Variants in GALR2 observed in about 807,000 individuals in gnomAD.
The protein encoded by GALR2 is galanin receptor 2, also known as galanin receptor type 2.
A neutral mutation model predicts 7.2 loss-of-function variants in GALR2; 5 were observed. That is an observed-to-expected ratio of 0.69 (90% CI 0.36 to 1.45). The LOEUF (loss-of-function observed/expected upper bound fraction) is 1.45, where lower values mean the gene tolerates loss of function less well. Ranked by LOEUF, GALR2 falls within the 40% of genes most tolerant of loss-of-function variation. The probability of loss-of-function intolerance (pLI) is 0.03; values close to 1 mark genes in which losing one functional copy is unlikely to be tolerated. For synonymous variants in GALR2, 300 were observed against 263.9 expected (o/e 1.14, Z -1.32); for missense variants, 561 against 555.7 (o/e 1.01, Z -0.10).
chr17:76,072,153 C>CA, upstream of GALR2: 1 of 1,426,638 alleles, frequency 7.0e-7, no homozygotes, highest in South Asian at 1.3e-5. This position sits in a 1 kb window ranked among gnomAD's most constrained non-coding sequence, Gnocchi z 4.5. Flanking sequence ...GACAGACCCC[C>CA]CCCGGAATTC....
chr17:76,076,680 C>T lies in GALR2; in HGVS notation c.413C>T (p.Thr138Met). The stretch of plus-strand genomic sequence containing the variant: ...CCGCTGCACTCCCGCGAGCTGCGCA[C>T]GCCTCGAAACGCGCTGGCAGCCATC... ...RYPLHSRELR[T>M]PRNALAAIGL... The change falls in exon 2 of 2, where the codon ACG becomes ATG. Residue 138 changes from threonine to methionine, a missense_variant. Coordinates refer to ENST00000329003, the MANE Select transcript of GALR2 (RefSeq NM_003857.4). This position sits in a 1 kb window ranked among gnomAD's most constrained non-coding sequence, Gnocchi z 6.5. 1 of 1,599,026 alleles carries T rather than the reference C, an allele frequency of 6.3e-7. No individual in the cohort carries two copies. Among genetic ancestry groups the T allele is most frequent in the Non-Finnish European group, 8.5e-7 (1 of 1,177,642 alleles).
In GALR2 at chr17:76,077,116, C is replaced by G; in HGVS notation, c.849C>G (p.Ala283=). 1.2e-6 allele frequency: 2 copies of G among 1,613,064 alleles called. No homozygotes were observed. Among genetic ancestry groups the G allele is most frequent in the Non-Finnish European group, 1.7e-6 (2 of 1,179,898 alleles). Residue 283 remains alanine (A), a synonymous_variant, in exon 2 of 2, where the codon GCC becomes GCG. Transcript: ENST00000329003. ...LRILSHLVSY[A]NSCVNPIVYA... is the part of the protein sequence containing the mutation. ...TCCTCTCGCACCTGGTCTCCTACGC[C>G]AACTCCTGCGTCAACCCCATCGTTT... is the stretch of plus-strand genomic sequence containing the variant.
In GALR2 at chr17:76,077,441, G is replaced by C. The variant is rs1396281438; in HGVS notation, c.*10G>C. 2.1e-6 allele frequency: 3 copies of C among 1,443,074 alleles called. No individual in the cohort carries two copies. The highest frequency in any genetic ancestry group is 2.7e-6 in the Non-Finnish European group (3 of 1,103,740). 89.4% of individuals were successfully genotyped at this position (1,443,074 alleles called of 1,614,324 possible). A position where few individuals can be genotyped will look rare whatever the true frequency, so the allele number is the denominator to read the frequency against. On this transcript the variant is annotated 3_prime_UTR_variant, in exon 2 of 2. Transcript: ENST00000329003. ...GGTTGATGTGGCCTGAAAGCACTTAGCGGGCGCGCTGGGATGTCACAGAGT... is the reference window on the plus strand; with the variant it reads ...GGTTGATGTGGCCTGAAAGCACTTACCGGGCGCGCTGGGATGTCACAGAGT...
chr17:76,075,027 G>C lies in GALR2; in HGVS notation c.144G>C (p.Ala48=). The change falls in exon 1 of 2, where the codon GCG becomes GCC. Residue 48 remains alanine, a synonymous_variant. Coordinates refer to ENST00000329003, the MANE Select transcript of GALR2 (RefSeq NM_003857.4). This position sits in a 1 kb window ranked among gnomAD's most constrained non-coding sequence, Gnocchi z 5.9. ...CCGTGGGCAACACGCTGGTGCTGGC[G>C]GTGCTGCTGCGCGGCGGCCAGGCGG... ...VGTVGNTLVL[A]VLLRGGQAVS... is the part of the protein sequence containing the mutation. 6.2e-7 allele frequency: 1 copy of C among 1,610,138 alleles called. No individual in the cohort carries two copies. Among genetic ancestry groups the C allele is most frequent in the Non-Finnish European group, 8.5e-7 (1 of 1,179,970 alleles).
upstream of GALR2, among the ~76,000 whole-genome samples, chr17:76,073,883 C>T (rs560600533): frequency 3.3e-5 from 5 of 151,838 alleles, no homozygotes; most frequent in African/African-American, 9.7e-5. Flanking sequence ...CGGTGGCTTA[C>T]GCCTGTAATC....
Position 76,075,363 on chromosome 17 carries a change from A to C in GALR2, c.368+112A>C. 1.7e-6 allele frequency: 2 copies of C among 1,155,102 alleles called. No individual in the cohort carries two copies. The highest frequency in any genetic ancestry group is 2.4e-6 in the Non-Finnish European group (2 of 823,430). The allele number at this position is 1,155,102 out of a possible 1,614,324, so 71.6% of individuals were successfully genotyped here. On this transcript the variant is annotated intron_variant, in intron 1 of 1. Transcript: ENST00000329003. The surrounding 1 kb of genome is among the most constrained non-coding windows in gnomAD (Gnocchi z 5.9). ...CGCAGAGTGGGACAGGACACTAAGAAGGCAGTGGAAGACAAGCGGGCGCGG... is the reference window on the plus strand; with the variant it reads ...CGCAGAGTGGGACAGGACACTAAGACGGCAGTGGAAGACAAGCGGGCGCGG...
In GALR2 at chr17:76,076,746, A is replaced by T; in HGVS notation, c.479A>T (p.Tyr160Phe). ...WGLSLLFSGP[Y>F]LSYYRQSQLA... ...CTGTCGCTGCTCTTCTCCGGGCCCT[A>T]CCTGAGCTACTACCGCCAGTCGCAG... is the stretch of plus-strand genomic sequence containing the variant. The change falls in exon 2 of 2, where the codon TAC becomes TTC. Residue 160 changes from tyrosine (Y) to phenylalanine (F), a missense_variant. Tyr to Phe is a conservative substitution (Grantham distance 22). Coordinates refer to ENST00000329003, the MANE Select transcript of GALR2 (RefSeq NM_003857.4). The surrounding 1 kb of genome is among the most constrained non-coding windows in gnomAD (Gnocchi z 6.5). 1 of 1,605,368 alleles carries T rather than the reference A, an allele frequency of 6.2e-7. No individual in the cohort carries two copies. Among genetic ancestry groups the T allele is most frequent in the Non-Finnish European group, 8.5e-7 (1 of 1,179,762 alleles).
At chr17:76,072,764 A>C, upstream of GALR2, 1 of 575,022 alleles carries the variant, frequency 1.7e-6, no homozygotes, top group Non-Finnish European at 2.9e-6. The surrounding 1 kb of genome is among the most constrained non-coding windows in gnomAD (Gnocchi z 4.5). Context: ...CCCACCCACT[A>C]AGGGCGGAGA....
At position 76,076,730 on chromosome 17, in the gene GALR2, C is replaced by G. The variant is rs1424355432; in HGVS notation, c.463C>G (p.Leu155Val). ...CGGGCTCATCTGGGGGCTGTCGCTG[C>G]TCTTCTCCGGGCCCTACCTGAGCTA... is the stretch of plus-strand genomic sequence containing the variant. ...AIGLIWGLSL[L>V]FSGPYLSYYR... Residue 155 changes from leucine to valine, a missense_variant, in exon 2 of 2, where the codon CTC (leucine) becomes GTC (valine). Coordinates refer to ENST00000329003, the MANE Select transcript of GALR2 (RefSeq NM_003857.4). The surrounding 1 kb of genome is among the most constrained non-coding windows in gnomAD (Gnocchi z 6.5). The G allele has an allele frequency of 6.2e-7, 1 of 1,605,026 alleles. No individual in the cohort carries two copies. The highest frequency in any genetic ancestry group is 8.5e-7 in the Non-Finnish European group (1 of 1,179,726).
rs2066891991 is a variant in GALR2, at chr17:76,076,890, CGCGCACCTTGCG to C, written c.624_635del (p.Arg209_Arg212del). 4.4e-6 allele frequency: 7 copies of C among 1,603,272 alleles called. No homozygotes were observed. The highest frequency in any genetic ancestry group is 5.1e-6 in the Non-Finnish European group (6 of 1,179,120). ...GTGCTGGTTCTCGGCCTGACCTACGCGCGCACCTTGCGCTACCTCTGGCGCGCCGTCGACCCG... is the reference window on the plus strand; with the variant it reads ...GTGCTGGTTCTCGGCCTGACCTACGCCTACCTCTGGCGCGCCGTCGACCCG... On this transcript the variant is annotated inframe_deletion, in exon 2 of 2. Transcript: ENST00000329003. The surrounding 1 kb of genome is among the most constrained non-coding windows in gnomAD (Gnocchi z 6.5).
chr17:76,075,953 C>T lies in GALR2; in HGVS notation c.369-683C>T. On this transcript the variant is annotated intron_variant, in intron 1 of 1. Transcript: ENST00000329003. The surrounding 1 kb of genome is among the most constrained non-coding windows in gnomAD (Gnocchi z 5.9). Reference sequence around the variant, plus strand: ...TCCCCAGCCAGAGGAGAGCGAGAGACGCACATTCGGGAGAGCGCGGGACTC... The same window carrying T: ...TCCCCAGCCAGAGGAGAGCGAGAGATGCACATTCGGGAGAGCGCGGGACTC... 6.6e-6 allele frequency among the ~76,000 whole-genome samples: 1 copy of T among 152,306 alleles called. No homozygotes were observed. The highest frequency in any genetic ancestry group is 1.5e-5 in the Non-Finnish European group (1 of 68,028).
chr17:76,072,247 C>A, upstream of GALR2: 2 of 1,600,554 alleles, frequency 1.2e-6, no homozygotes, highest in Non-Finnish European at 1.7e-6. This position sits in a 1 kb window ranked among gnomAD's most constrained non-coding sequence, Gnocchi z 4.5. Flanking sequence ...GCCTCTCCCG[C>A]CCCCAGCCCT....
At chr17:76,072,048 G>A (rs568137749), upstream of GALR2, 58 of 609,002 alleles carry the variant, frequency 9.5e-5, 2 homozygotes, top group South Asian at 6.8e-4. This position sits in a 1 kb window ranked among gnomAD's most constrained non-coding sequence, Gnocchi z 4.5. Context: ...ACAACTGCGG[G>A]GCACCAGGGG....
upstream of GALR2, among the ~76,000 whole-genome samples, chr17:76,072,861 G>A (rs895603224): frequency 1.3e-5 from 2 of 152,246 alleles, no homozygotes; most frequent in Non-Finnish European, 2.9e-5. This position sits in a 1 kb window ranked among gnomAD's most constrained non-coding sequence, Gnocchi z 4.5. Context: ...CAAAGATACT[G>A]GATTTCGGGG....
At chr17:76,074,127 C>T (rs991920018), upstream of GALR2, among the ~76,000 whole-genome samples, 1 of 150,860 alleles carries the variant, frequency 6.6e-6, no homozygotes, top group African/African-American at 2.4e-5. This position sits in a 1 kb window ranked among gnomAD's most constrained non-coding sequence, Gnocchi z 6.7. Context: ...GCCTGGGCGA[C>T]AGAGTGAGAC....
rs2066885272 is a variant in GALR2, at chr17:76,075,700, C to T, written c.368+449C>T. Reference sequence around the variant, plus strand: ...CTGCAGCCAACTTCAGGCGCCTCCACTGCGCTCGCCTCCAAGCCACGGTTT... The same window carrying T: ...CTGCAGCCAACTTCAGGCGCCTCCATTGCGCTCGCCTCCAAGCCACGGTTT... On this transcript the variant is annotated intron_variant, in intron 1 of 1. Coordinates refer to ENST00000329003, the MANE Select transcript of GALR2 (RefSeq NM_003857.4). This position sits in a 1 kb window ranked among gnomAD's most constrained non-coding sequence, Gnocchi z 5.9. Among the ~76,000 whole-genome samples the T allele has an allele frequency of 6.6e-6, 1 of 152,206 alleles. No homozygotes were observed. The highest frequency in any genetic ancestry group is 1.5e-5 in the Non-Finnish European group (1 of 68,030).
upstream of GALR2, among the ~76,000 whole-genome samples, chr17:76,073,387 C>G (rs902961195): frequency 7.0e-6 from 1 of 143,764 alleles, no homozygotes; most frequent in African/African-American, 2.6e-5. Context: ...CCTCTGCCTC[C>G]TGGGTTCAAG....
At chr17:76,073,177 C>T (rs1447774558), upstream of GALR2, among the ~76,000 whole-genome samples, 1 of 152,136 alleles carries the variant, frequency 6.6e-6, no homozygotes, top group African/African-American at 2.4e-5. Context: ...CCAATCCCCG[C>T]TCCGTCATTA....
Position 76,074,827 on chromosome 17 carries a change from G to A in GALR2, c.-57G>A, listed in dbSNP as rs1383913910. 24 of 1,437,514 alleles carry A rather than the reference G, an allele frequency of 1.7e-5. No individual in the cohort carries two copies. Among genetic ancestry groups the A allele is most frequent in the Non-Finnish European group, 2.1e-5 (23 of 1,101,928 alleles). 89.0% of individuals were successfully genotyped at this position (1,437,514 alleles called of 1,614,324 possible). ...GCGGCCGCAGCCCCGGGAGCTTCCC[G>A]CTCGCGGAGACCCAGACGGCTGCAG... On this transcript the variant is annotated 5_prime_UTR_variant, in exon 1 of 2. Transcript: ENST00000329003. This position sits in a 1 kb window ranked among gnomAD's most constrained non-coding sequence, Gnocchi z 6.7.
Sources: gnomAD v4.1 joint callset for allele counts (sites outside exome capture counted in the v4.1 genomes callset) on GRCh38, gnomAD v4.1.1 for gene constraint, Gnocchi (gnomAD v3.1) non-coding constraint, MANE v1.5 for transcripts, NCBI Gene and HGNC (gene_info 2026-07-23, HGNC 2026-07-21) for gene names.